PER2: variants seen among roughly 807,000 people sequenced by gnomAD.
PER2 encodes period circadian regulator 2.
PER2 carries 66 observed loss-of-function variants against 121.0 expected under a neutral mutation model. The observed-to-expected ratio is 0.55, with a 90% confidence interval of 0.45 to 0.67. The LOEUF is 0.67. PER2 is among the 30% of genes least tolerant of loss of function. The pLI is 0.00. For missense variants in PER2, 1,521 were observed against 1,635.0 expected (o/e 0.93, Z 1.20); for synonymous variants, 684 against 659.9 (o/e 1.04, Z -0.56).
the PER2 span, chr2:238,295,264 T>TTTC: frequency 4.7e-5 from 7 of 148,394 alleles, no homozygotes; most frequent in African/African-American, 1.5e-4. Context: ...CTTCTCCTTC[T>TTTC]TTCTTCTTCT....
intron 21 of PER2, among the ~76,000 whole-genome samples, chr2:238,250,127 C>G (rs1574838472): frequency 6.6e-6 from 1 of 152,212 alleles, no homozygotes; most frequent in Admixed American, 6.5e-5. Context: ...CAGAGCAGCC[C>G]GCTCCCTGGG....
intron 14 of PER2, among the ~76,000 whole-genome samples, chr2:238,258,862 A>G (rs1695842536): frequency 6.6e-6 from 1 of 151,946 alleles, no homozygotes; most frequent in Admixed American, 6.6e-5. Flanking sequence ...GCTGCTGCCC[A>G]GCCTGGTGTC....
intron 18 of PER2, chr2:238,255,169 G>C (rs565757874): frequency 3.9e-4 from 88 of 225,176 alleles, no homozygotes; most frequent in South Asian, 3.7e-3. Flanking sequence ...CATGACCATG[G>C]ACTCTGCCTG....
At chr2:238,270,221 G>A (rs1291887083) in intron 6 of PER2, among the ~76,000 whole-genome samples, 1 of 152,226 alleles carries the variant, frequency 6.6e-6, no homozygotes, top group African/African-American at 2.4e-5. Flanking sequence ...TTTTGGGATA[G>A]TCAGTTCTAA....
At chr2:238,287,424 G>A (rs1696821124) in intron 1 of PER2, among the ~76,000 whole-genome samples, 1 of 152,226 alleles carries the variant, frequency 6.6e-6, no homozygotes, top group Non-Finnish European at 1.5e-5. Flanking sequence ...CCCAGGTGGG[G>A]GTAGAGGGTG....
intron 14 of PER2, 54 bp from the exon 15 acceptor site, chr2:238,258,698 T>G: frequency 1.3e-6 from 2 of 1,576,684 alleles, no homozygotes; most frequent in Non-Finnish European, 1.7e-6. Context: ...CAGAAAACGC[T>G]GTGTATTTAC....
chr2:238,266,071 T>A (rs771019708), intron 8 of PER2, among the ~76,000 whole-genome samples: 3 of 150,908 alleles, frequency 2.0e-5, no homozygotes, highest in Admixed American at 1.3e-4. Flanking sequence ...GCCCAGCTAA[T>A]TTTTTGTATT....
intron 1 of PER2, among the ~76,000 whole-genome samples, chr2:238,279,716 C>T (rs1434098256): frequency 1.3e-5 from 2 of 152,238 alleles, no homozygotes; most frequent in African/African-American, 4.8e-5. Flanking sequence ...CCACCTCCTT[C>T]CCACCAGTAC....
At chr2:238,294,092 C>A (rs373710725), upstream of PER2, among the ~76,000 whole-genome samples, 2 of 152,194 alleles carry the variant, frequency 1.3e-5, no homozygotes, top group East Asian at 3.9e-4. Flanking sequence ...TACCCGTGTT[C>A]AAGGTGATCC....
rs145480923 is a variant in PER2, at chr2:238,287,875, G to A, written c.-20+474C>T. 3.0e-3 allele frequency among the ~76,000 whole-genome samples: 455 copies of A among 152,332 alleles called. 3 individuals carry two copies. The highest frequency in any genetic ancestry group is 0.01 in the African/African-American group (435 of 41,574). On this transcript the variant is annotated intron_variant, in intron 1 of 22. Transcript: ENST00000254657. Reference sequence around the variant, plus strand: ...CCCCCTGGTCTATGTCTGGGACTTGGCAGCCAAAGTACATCCCAGAAGGTA... The same window carrying A: ...CCCCCTGGTCTATGTCTGGGACTTGACAGCCAAAGTACATCCCAGAAGGTA...
At chr2:238,258,231 A>C in intron 16 of PER2, 45 bp downstream of exon 16, 1 of 1,608,138 alleles carries the variant, frequency 6.2e-7, no homozygotes, top group South Asian at 1.1e-5. Flanking sequence ...ACTCCAGAGG[A>C]TTTACATTAT....
chr2:238,254,829 A>C (rs1166293085), intron 18 of PER2: 1 of 152,224 alleles, frequency 6.6e-6, no homozygotes, highest in Non-Finnish European at 1.5e-5. Flanking sequence ...GAGAGAAAGG[A>C]AAGAGTGGAG....
chr2:238,248,270 T>G (rs1695499965), intron 22 of PER2, among the ~76,000 whole-genome samples: 1 of 152,186 alleles, frequency 6.6e-6, no homozygotes, highest in Non-Finnish European at 1.5e-5. Context: ...AGTGACACTG[T>G]GTTCGGCTGC....
chr2:238,285,085 G>C (rs1696743461), intron 1 of PER2, among the ~76,000 whole-genome samples: 1 of 152,378 alleles, frequency 6.6e-6, no homozygotes, highest in African/African-American at 2.4e-5. Flanking sequence ...ATGGCAGCCT[G>C]GTTGAAAAGG....
intron 22 of PER2, among the ~76,000 whole-genome samples, chr2:238,248,193 G>A (rs1695498276): frequency 6.6e-6 from 1 of 152,212 alleles, no homozygotes; most frequent in Non-Finnish European, 1.5e-5. Context: ...TGGAGACCAA[G>A]GGCAGCAAGA....
chr2:238,265,361 A>G, intron 9 of PER2, 151 bp downstream of exon 9: 1 of 634,444 alleles, frequency 1.6e-6, no homozygotes, highest in Admixed American at 2.6e-5. Context: ...GGAAGTTTTC[A>G]GTGTAATTCC....
chr2:238,250,743 C>A lies in PER2; in HGVS notation c.3275G>T (p.Gly1092Val). The part of the protein sequence containing the change: ...LGCDASPSGA[G>V]SSDTSHTSKY... ...GCTGGTATGACTTGTGTCACTACTG[C>A]CTTTAAAAACAAAAAACGTGGTGCG... The change falls in exon 21 of 23, where the codon GGC becomes GTC. Residue 1092 changes from glycine to valine, a missense_variant and splice_region_variant. Coordinates refer to ENST00000254657, the MANE Select transcript of PER2 (RefSeq NM_022817.3). The A allele has an allele frequency of 6.2e-7, 1 of 1,608,812 alleles. No individual in the cohort carries two copies. Among genetic ancestry groups the A allele is most frequent in the Non-Finnish European group, 8.5e-7 (1 of 1,175,266 alleles).
intron 12 of PER2, 151 bp downstream of exon 12, chr2:238,261,578 T>G: frequency 1.5e-6 from 1 of 688,520 alleles, no homozygotes; most frequent in African/African-American, 1.8e-5. Flanking sequence ...TAGCACAGTC[T>G]ATGCCCAAAC....
intron 1 of PER2, among the ~76,000 whole-genome samples, chr2:238,281,947 T>C (rs550097738): frequency 1.1e-3 from 160 of 152,320 alleles, no homozygotes; most frequent in African/African-American, 3.7e-3. Flanking sequence ...AGGCTACGCA[T>C]CCTGTCCACG....
Sources: gnomAD v4.1 joint callset for allele counts (sites outside exome capture counted in the v4.1 genomes callset) on GRCh38, gnomAD v4.1.1 for gene constraint, MANE v1.5 for transcripts, NCBI Gene and HGNC (gene_info 2026-07-23, HGNC 2026-07-21) for gene names.